Variants in FBLN7 observed in about 807,000 individuals in gnomAD.
FBLN7 encodes fibulin 7.
In FBLN7, 31 loss-of-function variants were observed where a neutral mutation model predicts 44.0. The observed-to-expected ratio is 0.70, with a 90% CI of 0.53 to 0.95. The LOEUF is 0.95. FBLN7 is among the 40% of genes least tolerant of loss of function. The pLI is 0.00. For synonymous variants in FBLN7, 262 were observed against 253.4 expected, an observed-to-expected ratio of 1.03 and a Z score of -0.32; for missense variants, 573 against 618.5, an observed-to-expected ratio of 0.93 and a Z score of 0.78.
the FBLN7 span, among the ~76,000 whole-genome samples, chr2:112,200,355 A>G: frequency 1.3e-5 from 2 of 152,206 alleles, no homozygotes; most frequent in African/African-American, 4.8e-5. Flanking sequence ...GGAATGTCAC[A>G]TAAGGGGTGG....
intron 3 of FBLN7, among the ~76,000 whole-genome samples, 187 bp from the exon 4 acceptor site, chr2:112,175,527 A>G (rs1359684293): frequency 6.6e-6 from 1 of 152,228 alleles, no homozygotes. Context: ...ATAGGGCTGC[A>G]TATCAGCCCC....
the FBLN7 span, among the ~76,000 whole-genome samples, chr2:112,198,569 AG>A: frequency 1.4e-5 from 2 of 146,368 alleles, no homozygotes; most frequent in South Asian, 4.2e-4. Context: ...CCTGGGAGAC[AG>A]AGGTTGCAGT....
chr2:112,150,324 T>C (rs1573769340), intron 1 of FBLN7, among the ~76,000 whole-genome samples: 1 of 152,138 alleles, frequency 6.6e-6, no homozygotes. Context: ...CCCGGGCTGA[T>C]TTGAACAAAA....
chr2:112,213,436 C>CA, the FBLN7 span: 1 of 151,986 alleles, frequency 6.6e-6, no homozygotes, highest in South Asian at 2.1e-4. Context: ...CAAGTTAAAA[C>CA]ACCAAAAGGC....
the FBLN7 span, chr2:112,233,974 A>AT: frequency 1.9e-6 from 1 of 523,944 alleles, no homozygotes; most frequent in Non-Finnish European, 3.2e-6. Context: ...TTTTTTAAAC[A>AT]TAAAAGAATA....
chr2:112,243,131 A>G, the FBLN7 span, among the ~76,000 whole-genome samples: 1 of 152,340 alleles, frequency 6.6e-6, no homozygotes, highest in African/African-American at 2.4e-5. Context: ...GCTTGGTATC[A>G]CTGTGCTGTT....
Position 112,138,519 on chromosome 2 carries a change from T to A in FBLN7, c.-137T>A. ...CGCGCTGCGCTCGGGGCCTCCCGCC[T>A]CCCCCCCTGCCCCAGCCGCCCCCCG... On this transcript the variant is annotated 5_prime_UTR_variant, in exon 1 of 8. Coordinates refer to ENST00000331203, the MANE Select transcript of FBLN7 (RefSeq NM_153214.3). The A allele has an allele frequency of 9.3e-6, 11 of 1,187,170 alleles. No individual in the cohort carries two copies. The highest frequency in any genetic ancestry group is 1.1e-5 in the Non-Finnish European group (10 of 882,604). The allele number at this position is 1,187,170 out of a possible 1,614,324, so 73.5% of individuals were successfully genotyped here.
At chr2:112,236,556 C>G in the FBLN7 span, 2 of 1,612,162 alleles carry the variant, frequency 1.2e-6, no homozygotes, top group South Asian at 2.2e-5. Context: ...GCATATATTC[C>G]AATACCTCTT....
chr2:112,193,608 T>C, the FBLN7 span, among the ~76,000 whole-genome samples: 1 of 152,260 alleles, frequency 6.6e-6, no homozygotes, highest in Non-Finnish European at 1.5e-5. Flanking sequence ...TTTCTGAATA[T>C]TTTTGATATG....
the FBLN7 span, among the ~76,000 whole-genome samples, chr2:112,219,478 CAT>C: frequency 6.6e-6 from 1 of 152,146 alleles, no homozygotes; most frequent in African/African-American, 2.4e-5. Flanking sequence ...CTATAAAGCT[CAT>C]AGAGGAAAAC....
chr2:112,210,097 T>C, the FBLN7 span, among the ~76,000 whole-genome samples: 1 of 151,496 alleles, frequency 6.6e-6, no homozygotes, highest in East Asian at 2.0e-4. Flanking sequence ...GGAATCCAGA[T>C]TGGTGATGGC....
chr2:112,203,365 G>A, the FBLN7 span, among the ~76,000 whole-genome samples: 1 of 152,308 alleles, frequency 6.6e-6, no homozygotes, highest in Non-Finnish European at 1.5e-5. Flanking sequence ...ATCAAGGGCT[G>A]TCTATTAAGC....
chr2:112,145,276 A>G (rs1680849283), intron 1 of FBLN7, among the ~76,000 whole-genome samples: 1 of 152,116 alleles, frequency 6.6e-6, no homozygotes, highest in African/African-American at 2.4e-5. Flanking sequence ...CTGCCCATTT[A>G]AAAAATTGAT....
At chr2:112,210,214 G>A in the FBLN7 span, among the ~76,000 whole-genome samples, 6 of 152,140 alleles carry the variant, frequency 3.9e-5, no homozygotes, top group South Asian at 1.2e-3. Flanking sequence ...AAGCCCAGAA[G>A]AGTATCAGAG....
the FBLN7 span, among the ~76,000 whole-genome samples, chr2:112,225,222 C>T: frequency 0.016 from 2,491 of 151,940 alleles, 70 homozygotes; most frequent in African/African-American, 0.056. Flanking sequence ...GTTCTGTATA[C>T]CTCAAAATAG....
intron 3 of FBLN7, among the ~76,000 whole-genome samples, chr2:112,173,159 C>T (rs369774317): frequency 1.1e-4 from 17 of 152,104 alleles, no homozygotes; most frequent in South Asian, 6.2e-4. Flanking sequence ...TGTTTGCTCA[C>T]GTTGGAAAAA....
chr2:112,239,060 AATG>A, the FBLN7 span, among the ~76,000 whole-genome samples: 1 of 152,388 alleles, frequency 6.6e-6, no homozygotes, highest in African/African-American at 2.4e-5. Context: ...TGGTAGCAGC[AATG>A]ATGACAAGGA....
At chr2:112,160,737 C>T (rs1320604150) in intron 2 of FBLN7, among the ~76,000 whole-genome samples, 4 of 89,602 alleles carry the variant, frequency 4.5e-5, no homozygotes, top group Non-Finnish European at 2.3e-5. Flanking sequence ...CGCACGCACA[C>T]GCACACACGC....
At chr2:112,225,347 A>T in the FBLN7 span, among the ~76,000 whole-genome samples, 1 of 152,242 alleles carries the variant, frequency 6.6e-6, no homozygotes, top group Non-Finnish European at 1.5e-5. Context: ...GTGTGGTAGC[A>T]CACACCTGCA....
Sources: allele counts gnomAD v4.1 joint callset (sites outside exome capture counted in the v4.1 genomes callset), GRCh38; gene constraint gnomAD v4.1.1; transcripts MANE v1.5; gene names NCBI Gene and HGNC (gene_info 2026-07-23, HGNC 2026-07-21).